The following RPL29 variants were observed in gnomAD, a reference collection of about 807,000 sequenced individuals.
RPL29 encodes ribosomal protein L29.
Under a neutral mutation model 7.2 loss-of-function variants are expected in RPL29, and 4 were observed. That is an observed-to-expected ratio of 0.55 (90% CI 0.27 to 1.26). RPL29 has a LOEUF of 1.26. Among genes scored for constraint, RPL29 ranks in the 50% most tolerant of loss-of-function variants. The pLI, the probability that RPL29 is intolerant of heterozygous loss-of-function variation, is 0.11. For missense variants in RPL29, 148 were observed against 209.1 expected (o/e 0.71, Z 1.80); for synonymous variants, 73 against 72.8 (o/e 1.00, Z -0.01).
intron 2 of RPL29, 36 bp downstream of exon 2, chr3:51,995,389 A>C (rs771797637): frequency 1.2e-6 from 2 of 1,612,956 alleles, no homozygotes; most frequent in Non-Finnish European, 1.7e-6. Flanking sequence ...AGTCCTTGCC[A>C]GGGTCTGGGA....
intron 3 of RPL29, 116 bp downstream of exon 3, chr3:51,994,926 G>A (rs773523311): frequency 5.6e-6 from 5 of 892,114 alleles, no homozygotes; most frequent in Non-Finnish European, 9.6e-6. Context: ...GGCTTTGGGT[G>A]GGCCAGTTAG....
At chr3:51,995,814 G>A (rs1701307873) in intron 1 of RPL29, 43 bp downstream of exon 1, 1 of 325,192 alleles carries the variant, frequency 3.1e-6, no homozygotes. Flanking sequence ...GCCGCCACCC[G>A]TAAGTCGCGG....
Position 51,993,539 on chromosome 3 carries a change from C to T in RPL29, c.*210G>A, listed in dbSNP as rs958118868. The T allele has an allele frequency of 5.7e-5, 31 of 546,144 alleles. No individual in the cohort carries two copies. Among genetic ancestry groups the T allele is most frequent in the African/African-American group, 5.1e-4 (27 of 53,450 alleles). The allele number at this position is 546,144 out of a possible 1,614,324, so 33.8% of individuals were successfully genotyped here. A position where few individuals can be genotyped will look rare whatever the true frequency, so the allele number is the denominator to read the frequency against. The stretch of plus-strand genomic sequence containing the variant: ...GGCCCCATCTCCTGACTCCCACCCA[C>T]ACCCCACCATCCAGACCCATGTCTT... On this transcript the variant is annotated 3_prime_UTR_variant, in exon 4 of 4. Transcript: ENST00000294189.
intron 3 of RPL29, 69 bp downstream of exon 3, chr3:51,994,973 T>A: frequency 7.2e-7 from 1 of 1,386,164 alleles, no homozygotes; most frequent in Non-Finnish European, 1.0e-6. Flanking sequence ...AGAGAAAAAC[T>A]ACATGAGAGG....
At chr3:51,995,355 T>C (rs1489408939) in intron 2 of RPL29, 70 bp downstream of exon 2, 2 of 1,537,782 alleles carry the variant, frequency 1.3e-6, no homozygotes, top group East Asian at 2.2e-5. Flanking sequence ...TGCCCCTTCA[T>C]CTCTGTCCCA....
chr3:51,995,639 G>T, intron 1 of RPL29, 170 bp from the exon 2 acceptor site: 1 of 644,480 alleles, frequency 1.6e-6, no homozygotes, highest in Non-Finnish European at 2.7e-6. Context: ...CCCAGGTAAT[G>T]ATGCCCTGAA....
At position 51,994,252 on chromosome 3, in the gene RPL29, C is replaced by A; in HGVS notation, c.103-126G>T. On this transcript the variant is annotated intron_variant, in intron 3 of 3. Coordinates refer to ENST00000294189, the MANE Select transcript of RPL29 (RefSeq NM_000992.3). ...AGTCAACCTCAAATGTGGAAATACC[C>A]AACCTCTTGAAACTATTTCCAGAGA... 2.4e-6 allele frequency: 3 copies of A among 1,246,342 alleles called. 1 individual carries two copies. Among genetic ancestry groups the A allele is most frequent in the Non-Finnish European group, 3.2e-6 (3 of 925,918 alleles). 77.2% of individuals were successfully genotyped at this position (1,246,342 alleles called of 1,614,324 possible).
chr3:51,995,402 T>C lies in RPL29; in HGVS notation c.37+23A>G, dbSNP rs766164893. On this transcript the variant is annotated intron_variant, in intron 2 of 3. Coordinates refer to ENST00000294189, the MANE Select transcript of RPL29 (RefSeq NM_000992.3). Reference sequence around the variant, plus strand: ...CCAGTCCTTGCCAGGGTCTGGGATGTAGGCAGGGCCCAAAAAACTTACACT... The same window carrying C: ...CCAGTCCTTGCCAGGGTCTGGGATGCAGGCAGGGCCCAAAAAACTTACACT... The C allele has an allele frequency of 9.3e-6, 15 of 1,613,896 alleles. No homozygotes were observed. In the East Asian group the frequency reaches 2.7e-4, roughly 29 times the overall value.
chr3:51,995,675 G>C, intron 1 of RPL29, 182 bp downstream of exon 1: 1 of 593,072 alleles, frequency 1.7e-6, no homozygotes, highest in South Asian at 2.0e-5. Context: ...CCGGAAAGCT[G>C]CATTCCCCAA....
rs369868183 is a variant in RPL29, at chr3:51,993,721, C to T, written c.*28G>A. The stretch of plus-strand genomic sequence containing the variant: ...GGCGGGGGTGGGGGGTCGCACCAGT[C>T]CTTCTGTCCTCATGTTGGCAGAGAT... On this transcript the variant is annotated 3_prime_UTR_variant, in exon 4 of 4. Transcript: ENST00000294189. 1.4e-4 allele frequency: 219 copies of T among 1,551,798 alleles called. 1 individual carries two copies. In the African/African-American group the frequency reaches 2.8e-3, roughly 20 times the overall value.
chr3:51,993,951 A>T lies in RPL29; in HGVS notation c.278T>A (p.Leu93His). 6.3e-7 allele frequency: 1 copy of T among 1,596,730 alleles called. No individual in the cohort carries two copies. Among genetic ancestry groups the T allele is most frequent in the South Asian group, 1.1e-5 (1 of 90,986 alleles). Reference protein sequence around the residue: ...PKIPKGVSRKLDRLAYIAHPK... With the variant: ...PKIPKGVSRKHDRLAYIAHPK... ...GTGGGCAATGTAGGCAAGTCGATCG[A>T]GCTTGCGGCTGACACCCTTTGGGAT... Residue 93 changes from leucine to histidine, a missense_variant, in exon 4 of 4, where the codon CTC (leucine) becomes CAC (histidine). Leu to His is a moderately conservative substitution (Grantham distance 99). Coordinates refer to ENST00000294189, the MANE Select transcript of RPL29 (RefSeq NM_000992.3).
At chr3:51,994,939 T>C (rs1559785235) in intron 3 of RPL29, 103 bp downstream of exon 3, 1 of 1,011,584 alleles carries the variant, frequency 9.9e-7, no homozygotes, top group Non-Finnish European at 1.6e-6. Context: ...CCAGTTAGGC[T>C]GTGCTCAGGC....
intron 2 of RPL29, 99 bp downstream of exon 2, chr3:51,995,326 C>T (rs774951161): frequency 8.2e-6 from 11 of 1,336,746 alleles, no homozygotes; most frequent in Non-Finnish European, 1.2e-5. Flanking sequence ...CAATCAGCCT[C>T]AGGCCCACAA....
At chr3:51,995,507 C>T in intron 1 of RPL29, 38 bp from the exon 2 acceptor site, 1 of 1,601,198 alleles carries the variant, frequency 6.2e-7, no homozygotes, top group Non-Finnish European at 8.5e-7. Flanking sequence ...TAAGGGCTCG[C>T]CAGGCTGGGC....
Position 51,994,142 on chromosome 3 carries a change from G to A in RPL29, c.103-16C>T. On this transcript the variant is annotated splice_polypyrimidine_tract_variant and intron_variant, in intron 3 of 3. Coordinates refer to ENST00000294189, the MANE Select transcript of RPL29 (RefSeq NM_000992.3). ...TGGGGTCCACCTGAAAAGCAGGAAA[G>A]GTACAGGTGGCAGCATGTGGGTCCC... 2 of 1,576,112 alleles carry A rather than the reference G, an allele frequency of 1.3e-6. No homozygotes were observed. Among genetic ancestry groups the A allele is most frequent in the Non-Finnish European group, 1.7e-6 (2 of 1,159,982 alleles).
In RPL29 at chr3:51,995,842, G is replaced by A. The variant is rs890885964; in HGVS notation, c.-9+15C>T. The A allele has an allele frequency of 1.1e-4, 33 of 298,322 alleles. No homozygotes were observed. Among genetic ancestry groups the A allele is most frequent in the Non-Finnish European group, 2.0e-4 (31 of 154,878 alleles). 18.5% of individuals were successfully genotyped at this position (298,322 alleles called of 1,614,324 possible). On this transcript the variant is annotated intron_variant, in intron 1 of 3. Coordinates refer to ENST00000294189, the MANE Select transcript of RPL29 (RefSeq NM_000992.3). ...AGTCGCGGATGGCATCGGATGCCGC[G>A]CGGCCAACACTCACCATAAGCCGCG...
At chr3:51,994,255 C>G (rs1222149637) in intron 3 of RPL29, 129 bp from the exon 4 acceptor site, 2 of 1,207,458 alleles carry the variant, frequency 1.7e-6, no homozygotes, top group East Asian at 5.1e-5. Flanking sequence ...AAATACCCAA[C>G]CTCTTGAAAC....
At chr3:51,994,299 A>G in intron 3 of RPL29, 173 bp from the exon 4 acceptor site, 2 of 798,566 alleles carry the variant, frequency 2.5e-6, no homozygotes, top group Non-Finnish European at 3.8e-6. Context: ...CACCCCAGGG[A>G]GCCAATACGC....
In RPL29 at chr3:51,993,743, A is replaced by C; in HGVS notation, c.*6T>G. On this transcript the variant is annotated 3_prime_UTR_variant, in exon 4 of 4. Transcript: ENST00000294189. The stretch of plus-strand genomic sequence containing the variant: ...AGTCCTTCTGTCCTCATGTTGGCAG[A>C]GATATCTACTCTGAAGCCTTTGTAG... The C allele has an allele frequency of 6.3e-7, 1 of 1,575,724 alleles. No homozygotes were observed.
Sources: gnomAD v4.1 joint callset for allele counts on GRCh38, gnomAD v4.1.1 for gene constraint, MANE v1.5 for transcripts, NCBI Gene and HGNC (gene_info 2026-07-23, HGNC 2026-07-21) for gene names.